The following FCER1A variants were observed in gnomAD, a reference collection of about 807,000 sequenced individuals.
FCER1A encodes the protein high affinity immunoglobulin epsilon receptor subunit alpha.
FCER1A carries 24 observed loss-of-function variants against 23.6 expected under a neutral mutation model. The ratio of observed to expected loss-of-function variants is 1.02; its 90% confidence interval spans 0.74 to 1.43. FCER1A has a LOEUF of 1.43. Among genes scored for constraint, FCER1A ranks in the 40% most tolerant of loss-of-function variants. The pLI is 0.00. For synonymous variants in FCER1A, 121 were observed against 108.8 expected, an observed-to-expected ratio of 1.11 and a Z score of -0.70; for missense variants, 318 against 294.5, an observed-to-expected ratio of 1.08 and a Z score of -0.58.
intron 1 of FCER1A, among the ~76,000 whole-genome samples, chr1:159,290,137 T>C (rs372324712): frequency 6.6e-6 from 1 of 152,194 alleles, no homozygotes; most frequent in African/African-American, 2.4e-5. Flanking sequence ...TATTAACTTA[T>C]GGTTCAATCA....
intron 1 of FCER1A, among the ~76,000 whole-genome samples, chr1:159,290,093 T>C (rs528098334): frequency 6.6e-6 from 1 of 152,294 alleles, no homozygotes; most frequent in African/African-American, 2.4e-5. Context: ...GAAGAACCTA[T>C]GTCCCATGCA....
chr1:159,297,734 G>A (rs1197379883), upstream of FCER1A, among the ~76,000 whole-genome samples: 4 of 151,944 alleles, frequency 2.6e-5, no homozygotes. Context: ...TAAAAATTTA[G>A]TGTGATATTC....
At chr1:159,292,541 T>A (rs1025675435) in intron 1 of FCER1A, among the ~76,000 whole-genome samples, 4 of 152,112 alleles carry the variant, frequency 2.6e-5, no homozygotes, top group Non-Finnish European at 5.9e-5. Context: ...CTCTAGACTA[T>A]CTATCATCAT....
At chr1:159,291,183 C>A (rs189224905) in intron 1 of FCER1A, among the ~76,000 whole-genome samples, 74 of 152,268 alleles carry the variant, frequency 4.9e-4, no homozygotes, top group Non-Finnish European at 2.1e-4. Flanking sequence ...TCAAGGTTTT[C>A]TCTTGGCTTA....
chr1:159,286,418 C>T (rs1384456699), upstream of FCER1A, among the ~76,000 whole-genome samples: 10 of 151,496 alleles, frequency 6.6e-5, no homozygotes, highest in African/African-American at 1.5e-4. Context: ...CTGCAAGCTC[C>T]GCCTCCCGGG....
Position 159,302,460 on chromosome 1 carries a change from T to C in FCER1A, c.55+41T>C, listed in dbSNP as rs74509669. On this transcript the variant is annotated intron_variant, in intron 1 of 4. Transcript: ENST00000693622. ...ATTACCCCTCCCAGGGAGGCCCAAA[T>C]GAATTTGGGGAGCAGCTGGGGTAGG... is the stretch of plus-strand genomic sequence containing the variant. The C allele has an allele frequency of 3.9e-4, 544 of 1,412,014 alleles. 5 individuals are homozygous for C. In the East Asian group the frequency reaches 0.011, roughly 30 times the overall value. 87.5% of individuals were successfully genotyped at this position (1,412,014 alleles called of 1,614,324 possible).
chr1:159,306,960 G>A (rs552140481), intron 4 of FCER1A, among the ~76,000 whole-genome samples: 1 of 152,154 alleles, frequency 6.6e-6, no homozygotes, highest in South Asian at 2.1e-4. Flanking sequence ...TAACTAATTT[G>A]AGACTGAAGT....
rs1371943168 is a variant in FCER1A, at chr1:159,302,371, C to T, written c.7C>T (p.Pro3Ser). The T allele has an allele frequency of 1.2e-6, 2 of 1,609,920 alleles. No individual in the cohort carries two copies. The highest frequency in any genetic ancestry group is 1.7e-4 in the Middle Eastern group (1 of 6,046). Reference sequence around the variant, plus strand: ...CCAGGAGTCCATGAAGAAGATGGCTCCTGCCATGGAATCCCCTACTCTACT... The same window carrying T: ...CCAGGAGTCCATGAAGAAGATGGCTTCTGCCATGGAATCCCCTACTCTACT... MA[P>S]AMESPTLLCV... Residue 3 changes from proline to serine, a missense_variant, in exon 1 of 5, where the codon CCT becomes TCT. Physicochemically the swap from Pro to Ser is moderately conservative, Grantham distance 74 (BLOSUM62 -1). Coordinates refer to ENST00000693622, the MANE Select transcript of FCER1A (RefSeq NM_001387280.1).
chr1:159,291,439 C>T (rs1043067951), intron 1 of FCER1A, among the ~76,000 whole-genome samples: 3 of 152,026 alleles, frequency 2.0e-5, no homozygotes, highest in Admixed American at 6.6e-5. Flanking sequence ...TTTTTTTCCT[C>T]TCAAAGACTT....
upstream of FCER1A, among the ~76,000 whole-genome samples, chr1:159,297,777 T>G (rs762986768): frequency 2.0e-5 from 3 of 152,106 alleles, no homozygotes; most frequent in East Asian, 3.9e-4. Flanking sequence ...TGGTGGCACA[T>G]CCCCATAATC....
chr1:159,295,326 G>C (rs1652270691), intron 1 of FCER1A, among the ~76,000 whole-genome samples: 1 of 152,020 alleles, frequency 6.6e-6, no homozygotes, highest in Non-Finnish European at 1.5e-5. Flanking sequence ...GGTGCAGCAT[G>C]ACTTAATTTG....
intron 1 of FCER1A, among the ~76,000 whole-genome samples, chr1:159,294,205 C>A (rs1474159414): frequency 2.6e-5 from 4 of 152,142 alleles, no homozygotes; most frequent in Non-Finnish European, 5.9e-5. Context: ...TTGACCCAGC[C>A]ATCCCATTAC....
At chr1:159,288,201 A>G (rs1010421188), upstream of FCER1A, among the ~76,000 whole-genome samples, 4 of 152,220 alleles carry the variant, frequency 2.6e-5, no homozygotes, top group African/African-American at 7.2e-5. Flanking sequence ...AAATGAATAC[A>G]TTCACATACT....
At chr1:159,292,584 T>C (rs1270184740) in intron 1 of FCER1A, among the ~76,000 whole-genome samples, 2 of 152,068 alleles carry the variant, frequency 1.3e-5, no homozygotes, top group Non-Finnish European at 2.9e-5. Context: ...CAATATCTGC[T>C]CAAAAAACCT....
intron 4 of FCER1A, 91 bp downstream of exon 4, chr1:159,306,336 G>T (rs1652615085): frequency 2.3e-6 from 3 of 1,289,332 alleles, no homozygotes; most frequent in African/African-American, 1.5e-5. Context: ...TAGAAGGGGG[G>T]CACCTGTGAT....
upstream of FCER1A, among the ~76,000 whole-genome samples, chr1:159,288,296 G>C (rs1652066309): frequency 6.6e-6 from 1 of 152,182 alleles, no homozygotes; most frequent in South Asian, 2.1e-4. Context: ...TTGCATGGTA[G>C]AGACACAGAC....
Position 159,294,067 on chromosome 1 carries a change from C to G in FCER1A, c.-60+4314C>G, listed in dbSNP as rs535152593. Among the ~76,000 whole-genome samples the G allele has an allele frequency of 1.6e-4, 25 of 152,222 alleles. No individual in the cohort carries two copies. The East Asian group carries it at 4.5e-3, about 27-fold the overall frequency. On this transcript the variant is annotated intron_variant, in intron 1 of 5. Transcript: ENST00000368115. ...TGGCAACCATTAAAAAGTCAGGAAA[C>G]AACAGGTGCTGGAGAGGATGTGGAG... is the stretch of plus-strand genomic sequence containing the variant.
chr1:159,305,994 T>G lies in FCER1A; in HGVS notation c.338T>G (p.Leu113Arg). ...TGTAATGAATGTTCTTCAGACTGGC[T>G]GCTCCTTCAGGCCTCTGCTGAGGTG... is the stretch of plus-strand genomic sequence containing the variant. ...PVYLEVFSDW[L>R]LLQASAEVVM... is the part of the protein sequence containing the mutation. The change falls in exon 4 of 5, where the codon CTG becomes CGG. Residue 113 changes from leucine (L) to arginine (R), a missense_variant. Leu to Arg is a moderately radical substitution (Grantham distance 102, BLOSUM62 -2). Coordinates refer to ENST00000693622, the MANE Select transcript of FCER1A (RefSeq NM_001387280.1). 1 of 1,613,604 alleles carries G rather than the reference T, an allele frequency of 6.2e-7. No homozygotes were observed. The highest frequency in any genetic ancestry group is 1.7e-5 in the Admixed American group (1 of 60,020).
At position 159,303,160 on chromosome 1, in the gene FCER1A, A is replaced by G. The variant is rs184872892; in HGVS notation, c.76+286A>G. On this transcript the variant is annotated intron_variant, in intron 2 of 4. Transcript: ENST00000693622. ...TTTGGCATGATCTCGCTCAATAATTACATTATTATTATTATTGCCATTTTA... is the reference window on the plus strand; with the variant it reads ...TTTGGCATGATCTCGCTCAATAATTGCATTATTATTATTATTGCCATTTTA... 8.7e-4 allele frequency among the ~76,000 whole-genome samples: 132 copies of G among 152,192 alleles called. 1 individual carries two copies. The highest frequency in any genetic ancestry group is 6.8e-3 in the Middle Eastern group (2 of 294).
Sources: gnomAD v4.1 joint callset for allele counts (sites outside exome capture counted in the v4.1 genomes callset) on GRCh38, gnomAD v4.1.1 for gene constraint, MANE v1.5 for transcripts, NCBI Gene and HGNC (gene_info 2026-07-23, HGNC 2026-07-21) for gene names.